Variants in ASTN2 observed in about 807,000 individuals in gnomAD.
ASTN2 encodes the protein astrotactin-2.
Under a neutral mutation model 139.8 loss-of-function variants are expected in ASTN2, and 54 were observed. The observed-to-expected ratio is 0.39, with a 90% confidence interval of 0.31 to 0.48. The LOEUF is 0.48. Ranked by LOEUF, ASTN2 falls within the 20% of genes least tolerant of loss-of-function variation. The pLI is 0.95. For missense variants in ASTN2, 1,565 were observed against 1,725.1 expected, an observed-to-expected ratio of 0.91 and a Z score of 1.64; for synonymous variants, 756 against 719.5, an observed-to-expected ratio of 1.05 and a Z score of -0.81.
chr9:116,933,653 GA>G (rs1834976203), intron 10 of ASTN2, among the ~76,000 whole-genome samples: 1 of 150,188 alleles, frequency 6.7e-6, no homozygotes, highest in African/African-American at 2.5e-5. Context: ...TTTTATTAAG[GA>G]AAAAAAAAAG....
chr9:116,657,760 G>A (rs918010318), intron 16 of ASTN2, among the ~76,000 whole-genome samples: 3 of 152,132 alleles, frequency 2.0e-5, no homozygotes, highest in African/African-American at 7.2e-5. Context: ...AGAATCACTC[G>A]AACCTGGGAG....
chr9:116,448,103 CCTG>C (rs1309827916), intron 20 of ASTN2, among the ~76,000 whole-genome samples: 1 of 152,202 alleles, frequency 6.6e-6, no homozygotes, highest in East Asian at 1.9e-4. Flanking sequence ...CAGGCCAACG[CCTG>C]CTCTTCCCCA....
chr9:116,714,799 G>GTTTTTCCAGCTATTCCCCTGGTATCTC (rs1346725095), intron 16 of ASTN2, among the ~76,000 whole-genome samples: 7 of 3,636 alleles, frequency 1.9e-3, no homozygotes, highest in African/African-American at 5.2e-3. Context: ...ATCATGTGAG[G>GTTTTTCCAGCTATTCCCCTGGTATCTC]CCGGGCGCGG....
Position 116,699,344 on chromosome 9 carries a change from C to A in ASTN2, c.2806+26427G>T, listed in dbSNP as rs1861056498. 6.2e-7 allele frequency: 1 copy of A among 1,614,190 alleles called. No individual in the cohort carries two copies. Among genetic ancestry groups the A allele is most frequent in the Non-Finnish European group, 8.5e-7 (1 of 1,180,040 alleles). On this transcript the variant is annotated intron_variant, in intron 16 of 22. Coordinates refer to ENST00000313400, the MANE Select transcript of ASTN2 (RefSeq NM_001365068.1). This position sits in a 1 kb window ranked among gnomAD's most constrained non-coding sequence, Gnocchi z 4.2. Reference sequence around the variant, plus strand: ...CCGTCTACTTCACCCAGGGCTTAGGCCTCAATCTGGAGAATCGGCAGAATG... The same window carrying A: ...CCGTCTACTTCACCCAGGGCTTAGGACTCAATCTGGAGAATCGGCAGAATG...
intron 6 of ASTN2, among the ~76,000 whole-genome samples, chr9:117,010,183 G>A (rs1837477622): frequency 6.6e-6 from 1 of 152,044 alleles, no homozygotes; most frequent in African/African-American, 2.4e-5. Context: ...AAAATGGAAG[G>A]AGTTTGTTGG....
chr9:116,995,099 CT>C (rs1564375568), intron 7 of ASTN2, among the ~76,000 whole-genome samples: 1 of 152,180 alleles, frequency 6.6e-6, no homozygotes, highest in African/African-American at 2.4e-5. Flanking sequence ...AGAGTGCAAG[CT>C]CTTGACCACC....
chr9:117,300,836 T>G (rs12685468), intron 1 of ASTN2, among the ~76,000 whole-genome samples: 56,102 of 151,950 alleles, frequency 0.37, 11,777 homozygotes, highest in East Asian at 0.56. Context: ...ACTCTTCAAA[T>G]AGTGGGATTA....
At chr9:116,815,064 C>T (rs926234435) in intron 12 of ASTN2, among the ~76,000 whole-genome samples, 2 of 152,148 alleles carry the variant, frequency 1.3e-5, no homozygotes, top group African/African-American at 4.8e-5. Context: ...CAGGCTTTAA[C>T]CTAAAAGGTG....
intron 16 of ASTN2, chr9:116,687,214 G>C (rs1317501561): frequency 6.9e-5 from 70 of 1,007,728 alleles, no homozygotes; most frequent in Non-Finnish European, 8.0e-5. Context: ...CCGCGCGCTT[G>C]GGGCCAGCTG....
chr9:116,433,187 T>A (rs1847550324), intron 22 of ASTN2, among the ~76,000 whole-genome samples: 1 of 152,242 alleles, frequency 6.6e-6, no homozygotes, highest in Non-Finnish European at 1.5e-5. Flanking sequence ...TAGTTGGTTT[T>A]TAATACACAA....
chr9:117,125,679 C>G (rs1829667818), intron 4 of ASTN2, among the ~76,000 whole-genome samples: 1 of 152,176 alleles, frequency 6.6e-6, no homozygotes, highest in Admixed American at 6.5e-5. Flanking sequence ...TTAATTAAAT[C>G]TAACTGCGAG....
chr9:116,448,569 G>T (rs1848077373), intron 20 of ASTN2, among the ~76,000 whole-genome samples: 1 of 152,180 alleles, frequency 6.6e-6, no homozygotes. Context: ...GGATTCCGTG[G>T]CAAACAGCAT....
intron 10 of ASTN2, among the ~76,000 whole-genome samples, chr9:116,885,415 C>T (rs1195757672): frequency 6.6e-6 from 1 of 152,180 alleles, no homozygotes; most frequent in Non-Finnish European, 1.5e-5. Flanking sequence ...CCTATAATCC[C>T]AGCACTTTGG....
At chr9:116,927,608 C>G (rs1834790678) in intron 10 of ASTN2, among the ~76,000 whole-genome samples, 1 of 152,180 alleles carries the variant, frequency 6.6e-6, no homozygotes, top group Non-Finnish European at 1.5e-5. Flanking sequence ...CAATAGAAGT[C>G]TGTACTAGGT....
At chr9:116,906,463 A>G (rs1030277346) in intron 10 of ASTN2, among the ~76,000 whole-genome samples, 4 of 151,978 alleles carry the variant, frequency 2.6e-5, no homozygotes, top group Admixed American at 6.6e-5. Context: ...CCCCCCAGAC[A>G]CTTTTGTCTT....
At chr9:116,532,353 C>G (rs1428297250) in intron 19 of ASTN2, among the ~76,000 whole-genome samples, 3 of 152,206 alleles carry the variant, frequency 2.0e-5, no homozygotes, top group African/African-American at 7.2e-5. Flanking sequence ...TGTGCAGAAG[C>G]TCTTTGGTTT....
At chr9:117,188,089 C>A (rs997036413) in intron 3 of ASTN2, among the ~76,000 whole-genome samples, 2 of 151,448 alleles carry the variant, frequency 1.3e-5, no homozygotes, top group African/African-American at 4.9e-5. Flanking sequence ...TAACCCCTCC[C>A]TAGTCATGAC....
chr9:116,908,558 C>T (rs1834227628), intron 10 of ASTN2, among the ~76,000 whole-genome samples: 1 of 152,168 alleles, frequency 6.6e-6, no homozygotes, highest in African/African-American at 2.4e-5. Flanking sequence ...TGGTTGTTTC[C>T]TTTCTTGAAA....
chr9:117,098,011 C>A (rs138021814), intron 4 of ASTN2, among the ~76,000 whole-genome samples: 2 of 152,288 alleles, frequency 1.3e-5, no homozygotes, highest in East Asian at 3.9e-4. Flanking sequence ...GATGCAAAGA[C>A]ATGCTTAGAC....
Sources: gnomAD v4.1 joint callset for allele counts (sites outside exome capture counted in the v4.1 genomes callset) on GRCh38, gnomAD v4.1.1 for gene constraint, Gnocchi (gnomAD v3.1) non-coding constraint, MANE v1.5 for transcripts, NCBI Gene and HGNC (gene_info 2026-07-23, HGNC 2026-07-21) for gene names.